The following TENM4 variants were observed in gnomAD, a reference collection of about 807,000 sequenced individuals.
TENM4 encodes teneurin transmembrane protein 4.
TENM4 carries 82 observed loss-of-function variants against 243.3 expected under a neutral mutation model. The ratio of observed to expected loss-of-function variants is 0.34; its 90% CI spans 0.28 to 0.40. The LOEUF (loss-of-function observed/expected upper bound fraction) is 0.40, where lower values mean the gene tolerates loss of function less well. Ranked by LOEUF, TENM4 falls within the 10% of genes least tolerant of loss-of-function variation. The pLI is 1.00. For synonymous variants in TENM4, 1,412 were observed against 1,456.3 expected (o/e 0.97, Z 0.69); for missense variants, 3,138 against 3,673.3 (o/e 0.85, Z 3.77).
chr11:79,285,262 G>A (rs76269962), intron 2 of TENM4, among the ~76,000 whole-genome samples: 17,100 of 144,732 alleles, frequency 0.12, 962 homozygotes, highest in South Asian at 0.14. Context: ...TAAAAAAAAA[G>A]AGAGATGCTG....
chr11:78,807,968 A>G (rs138338294), intron 14 of TENM4, among the ~76,000 whole-genome samples: 11 of 152,358 alleles, frequency 7.2e-5, no homozygotes, highest in African/African-American at 2.6e-4. Context: ...ATGATTTGAA[A>G]GGACCGTATA....
At chr11:78,780,226 T>A (rs984876771) in intron 16 of TENM4, among the ~76,000 whole-genome samples, 9 of 152,198 alleles carry the variant, frequency 5.9e-5, no homozygotes, top group Non-Finnish European at 1.2e-4. Flanking sequence ...AGGAAATACC[T>A]CTGGCTAAAG....
At chr11:78,847,199 G>A in intron 12 of TENM4, among the ~76,000 whole-genome samples, 1 of 152,226 alleles carries the variant, frequency 6.6e-6, no homozygotes. Flanking sequence ...CTCTAGTGGG[G>A]ATTTTGGTTA....
intron 2 of TENM4, among the ~76,000 whole-genome samples, chr11:79,226,619 C>T (rs1864271546): frequency 6.6e-6 from 1 of 152,124 alleles, no homozygotes; most frequent in African/African-American, 2.4e-5. Flanking sequence ...AATCATTATA[C>T]CTTGATGATC....
At position 78,786,891 on chromosome 11, in the gene TENM4, G is replaced by C. The variant is rs536139962; in HGVS notation, c.2365+7C>G. 8.7e-6 allele frequency: 14 copies of C among 1,604,312 alleles called. No homozygotes were observed. The highest frequency in any genetic ancestry group is 2.2e-5 in the East Asian group (1 of 44,482). On this transcript the variant is annotated splice_region_variant and intron_variant, in intron 16 of 33. Coordinates refer to ENST00000278550, the MANE Select transcript of TENM4 (RefSeq NM_001098816.3). ...AGAAGGTACCCGGGGACCTCGGCCC[G>C]CCATACCGATGGTGCAGTGTTCGCC...
intron 1 of TENM4, among the ~76,000 whole-genome samples, chr11:79,355,841 A>G (rs570705298): frequency 3.1e-4 from 47 of 152,346 alleles, no homozygotes; most frequent in African/African-American, 1.1e-3. Context: ...CTGACACATG[A>G]GACCACAGTG....
intron 25 of TENM4, among the ~76,000 whole-genome samples, chr11:78,718,604 C>G (rs1019735211): frequency 4.6e-5 from 7 of 152,144 alleles, no homozygotes; most frequent in Non-Finnish European, 7.3e-5. Context: ...CTGAATGTTT[C>G]AACATTAAAT....
At chr11:78,827,663 A>T (rs1262697925) in intron 12 of TENM4, among the ~76,000 whole-genome samples, 2 of 151,838 alleles carry the variant, frequency 1.3e-5, no homozygotes, top group Non-Finnish European at 2.9e-5. Context: ...TTAATTTTGT[A>T]TTTTTAGTAG....
intron 6 of TENM4, among the ~76,000 whole-genome samples, chr11:78,917,427 A>C (rs1257575499): frequency 1.3e-5 from 2 of 152,346 alleles, no homozygotes; most frequent in African/African-American, 4.8e-5. Flanking sequence ...GAAAGCATCT[A>C]ACTAAGTGTA....
chr11:79,401,585 A>G (rs933240631), intron 1 of TENM4, among the ~76,000 whole-genome samples: 1 of 152,240 alleles, frequency 6.6e-6, no homozygotes, highest in South Asian at 2.1e-4. Context: ...TTATTTTACC[A>G]TTAGAGGCAA....
In TENM4 at chr11:79,193,063, C is replaced by T. The variant is rs185648702; in HGVS notation, c.-163+22745G>A. On this transcript the variant is annotated intron_variant, in intron 3 of 33. Coordinates refer to ENST00000278550, the MANE Select transcript of TENM4 (RefSeq NM_001098816.3). ...ACCCCTGCCTGAGCAGTGAGAGGCC[C>T]TGATTGATGCCCAGGACAGCAAGCT... 2.6e-5 allele frequency: 4 copies of T among 152,524 alleles called. No homozygotes were observed. The East Asian group carries it at 5.8e-4, about 22-fold the overall frequency. The allele number at this position is 152,524 out of a possible 1,614,324, so 9.4% of individuals were successfully genotyped here.
At chr11:78,889,691 T>C (rs539770294) in intron 9 of TENM4, 94 bp downstream of exon 9, 2 of 1,340,280 alleles carry the variant, frequency 1.5e-6, no homozygotes, top group African/African-American at 1.5e-5. Flanking sequence ...TTGCCTGCCA[T>C]GCTAGTAAGG....
intron 16 of TENM4, among the ~76,000 whole-genome samples, chr11:78,781,351 C>T (rs944184457): frequency 6.6e-5 from 10 of 152,092 alleles, no homozygotes; most frequent in African/African-American, 1.7e-4. Context: ...TCTTGGGCAA[C>T]GCTTGTTTCT....
chr11:78,847,835 C>T (rs1310524394), intron 12 of TENM4, among the ~76,000 whole-genome samples: 3 of 152,156 alleles, frequency 2.0e-5, no homozygotes, highest in African/African-American at 7.2e-5. Context: ...TTAGTGTCTT[C>T]AATGAAGTAG....
chr11:79,364,216 C>T (rs1416151591), intron 1 of TENM4, among the ~76,000 whole-genome samples: 3 of 152,176 alleles, frequency 2.0e-5, no homozygotes, highest in Non-Finnish European at 2.9e-5. Flanking sequence ...GCTCCATAAC[C>T]GCATGTGCCA....
intron 6 of TENM4, among the ~76,000 whole-genome samples, chr11:78,925,228 G>T (rs1354497262): frequency 6.6e-6 from 1 of 151,966 alleles, no homozygotes; most frequent in Non-Finnish European, 1.5e-5. Flanking sequence ...TTGGATGTCT[G>T]AGTGTAGAAT....
intron 19 of TENM4, among the ~76,000 whole-genome samples, chr11:78,749,876 GC>G (rs1008375847): frequency 7.9e-5 from 12 of 152,060 alleles, no homozygotes; most frequent in African/African-American, 2.9e-4. Flanking sequence ...CTCAGTTCCT[GC>G]CCCTAACCCA....
At chr11:79,029,576 A>G (rs2136845802) in intron 6 of TENM4, among the ~76,000 whole-genome samples, 1 of 152,272 alleles carries the variant, frequency 6.6e-6, no homozygotes, top group East Asian at 1.9e-4. Flanking sequence ...TTGGAAACCC[A>G]AGAGCCCCTG....
chr11:78,929,360 A>G (rs1050624727), intron 6 of TENM4, among the ~76,000 whole-genome samples: 18 of 152,356 alleles, frequency 1.2e-4, no homozygotes, highest in African/African-American at 4.1e-4. Context: ...AGAAGTCAAA[A>G]GAAGTCTCCA....
Sources: allele counts gnomAD v4.1 joint callset (sites outside exome capture counted in the v4.1 genomes callset), GRCh38; gene constraint gnomAD v4.1.1; transcripts MANE v1.5; gene names NCBI Gene and HGNC (gene_info 2026-07-23, HGNC 2026-07-21).